Variants in FRMD4A observed in about 807,000 individuals in gnomAD.
FRMD4A encodes the protein FERM domain-containing protein 4A.
Under a neutral mutation model 129.1 loss-of-function variants are expected in FRMD4A, and 29 were observed. That is an observed-to-expected ratio of 0.22 (90% confidence interval 0.17 to 0.31). The LOEUF (loss-of-function observed/expected upper bound fraction) is 0.31. Ranked by LOEUF, FRMD4A falls within the 10% of genes least tolerant of loss-of-function variation. The pLI, the probability that FRMD4A is intolerant of heterozygous loss-of-function variation, is 1.00. For missense variants in FRMD4A, 1,272 were observed against 1,375.8 expected, an observed-to-expected ratio of 0.92 and a Z score of 1.19; for synonymous variants, 634 against 571.6, an observed-to-expected ratio of 1.11 and a Z score of -1.56.
At chr10:13,767,943 G>C (rs1053021172) in intron 6 of FRMD4A, among the ~76,000 whole-genome samples, 4 of 152,334 alleles carry the variant, frequency 2.6e-5, no homozygotes, top group African/African-American at 9.6e-5. Context: ...GCAGGAGGAA[G>C]TGTAAGGTCC....
At chr10:13,713,018 C>G (rs1481747845) in intron 12 of FRMD4A, among the ~76,000 whole-genome samples, 1 of 152,234 alleles carries the variant, frequency 6.6e-6, no homozygotes, top group Admixed American at 6.5e-5. Context: ...GGTGGGCAAG[C>G]TCCCAGGACG....
intron 2 of FRMD4A, among the ~76,000 whole-genome samples, chr10:14,163,617 C>T (rs183283435): frequency 8.5e-5 from 13 of 152,312 alleles, no homozygotes; most frequent in African/African-American, 2.9e-4. Context: ...TCGTTACGAG[C>T]ACTTAATAAA....
chr10:13,896,464 A>C (rs2094759456), intron 2 of FRMD4A, among the ~76,000 whole-genome samples: 1 of 152,178 alleles, frequency 6.6e-6, no homozygotes, highest in South Asian at 2.1e-4. Flanking sequence ...GTGGGAGTTT[A>C]ATAATGAGAA....
intron 2 of FRMD4A, among the ~76,000 whole-genome samples, chr10:14,060,217 TAAG>T (rs1834742427): frequency 6.6e-6 from 1 of 152,204 alleles, no homozygotes; most frequent in Non-Finnish European, 1.5e-5. Flanking sequence ...CTACATTTCA[TAAG>T]AAGGATAAAG....
intron 2 of FRMD4A, among the ~76,000 whole-genome samples, chr10:13,934,991 GAAGGGT>G (rs2095236667): frequency 6.6e-6 from 1 of 152,162 alleles, no homozygotes; most frequent in Non-Finnish European, 1.5e-5. Context: ...TTACATGCCA[GAAGGGT>G]AAGGCGGCTC....
chr10:13,726,350 G>A (rs1290363584), intron 12 of FRMD4A, among the ~76,000 whole-genome samples: 1 of 152,254 alleles, frequency 6.6e-6, no homozygotes, highest in Non-Finnish European at 1.5e-5. Flanking sequence ...TGGAGGTCAT[G>A]AAGGTCGTGA....
intron 2 of FRMD4A, among the ~76,000 whole-genome samples, chr10:14,262,362 A>G (rs538440371): frequency 6.6e-6 from 1 of 152,292 alleles, no homozygotes; most frequent in African/African-American, 2.4e-5. Flanking sequence ...TGCCAACTTC[A>G]TGAGGTTATT....
At chr10:14,235,440 G>C (rs1357384997) in intron 2 of FRMD4A, among the ~76,000 whole-genome samples, 1 of 152,050 alleles carries the variant, frequency 6.6e-6, no homozygotes, top group Non-Finnish European at 1.5e-5. Flanking sequence ...GAGCCACCGC[G>C]CCCGGCCGCC....
intron 2 of FRMD4A, among the ~76,000 whole-genome samples, chr10:14,128,560 C>T (rs11258879): frequency 0.31 from 46,784 of 151,938 alleles, 7,494 homozygotes; most frequent in East Asian, 0.51. Context: ...TTTCCTGTGA[C>T]GATACAATAA....
intron 2 of FRMD4A, among the ~76,000 whole-genome samples, chr10:14,117,017 A>G (rs1838232509): frequency 6.6e-6 from 1 of 152,228 alleles, no homozygotes; most frequent in African/African-American, 2.4e-5. Context: ...AGGGCTATGC[A>G]TTGAAATGCA....
chr10:14,064,611 T>G (rs796772784), intron 2 of FRMD4A, among the ~76,000 whole-genome samples: 16 of 152,316 alleles, frequency 1.1e-4, no homozygotes, highest in African/African-American at 3.8e-4. Context: ...AGAGTCTTGC[T>G]CCATCGTCTA....
At chr10:14,250,053 G>A (rs1314776728) in intron 2 of FRMD4A, among the ~76,000 whole-genome samples, 2 of 151,454 alleles carry the variant, frequency 1.3e-5, no homozygotes, top group African/African-American at 2.4e-5. Context: ...TCCACCTCCC[G>A]GGTTCAAGTG....
At chr10:14,174,877 G>A (rs1841653749) in intron 2 of FRMD4A, among the ~76,000 whole-genome samples, 1 of 33,358 alleles carries the variant, frequency 3.0e-5, no homozygotes, top group South Asian at 1.7e-3. Flanking sequence ...GTGTGTGTGT[G>A]TCTGTGTGTG....
chr10:13,992,399 TGCAG>T (rs1026675548), intron 2 of FRMD4A, among the ~76,000 whole-genome samples: 3 of 152,170 alleles, frequency 2.0e-5, no homozygotes, highest in African/African-American at 7.2e-5. Flanking sequence ...TGGGTTGGCT[TGCAG>T]GCTCACTGAC....
At chr10:14,210,580 T>G (rs1445132415) in intron 2 of FRMD4A, among the ~76,000 whole-genome samples, 1 of 152,146 alleles carries the variant, frequency 6.6e-6, no homozygotes, top group Non-Finnish European at 1.5e-5. Flanking sequence ...ACTGAGCACC[T>G]AATATGTGCC....
At position 14,178,967 on chromosome 10, in the gene FRMD4A, T is replaced by TTGA. The variant is rs1841822503; in HGVS notation, c.45+151090_45+151091insTCA. Among the ~76,000 whole-genome samples the TTGA allele has an allele frequency of 5.3e-5, 8 of 152,268 alleles. No homozygotes were observed. The South Asian group carries it at 1.7e-3, about 32-fold the overall frequency. Reference sequence around the variant, plus strand: ...AGGAACCTCTCTTAGCAAATGCCCTTGCCCTTTGAGCCACCCTTCTTTCAT... The same window carrying TTGA: ...AGGAACCTCTCTTAGCAAATGCCCTTTGAGCCCTTTGAGCCACCCTTCTTTCAT... On this transcript the variant is annotated intron_variant, in intron 2 of 24. Transcript: ENST00000357447.
intron 2 of FRMD4A, among the ~76,000 whole-genome samples, chr10:13,998,028 C>A (rs2095629045): frequency 6.6e-6 from 1 of 152,158 alleles, no homozygotes. Flanking sequence ...ATCCATCATG[C>A]CCTTCTGGGA....
intron 2 of FRMD4A, among the ~76,000 whole-genome samples, chr10:14,259,322 G>T (rs2132031181): frequency 6.6e-6 from 1 of 152,176 alleles, no homozygotes; most frequent in East Asian, 1.9e-4. Context: ...AGTTAAAAGT[G>T]TAAACACACC....
At chr10:13,697,367 C>G (rs2086326375) in intron 14 of FRMD4A, among the ~76,000 whole-genome samples, 1 of 152,138 alleles carries the variant, frequency 6.6e-6, no homozygotes, top group Non-Finnish European at 1.5e-5. Flanking sequence ...AGGCTGGTGT[C>G]AAACCCCTGA....
Sources: gnomAD v4.1 joint callset for allele counts (sites outside exome capture counted in the v4.1 genomes callset) on GRCh38, gnomAD v4.1.1 for gene constraint, MANE v1.5 for transcripts, NCBI Gene and HGNC (gene_info 2026-07-23, HGNC 2026-07-21) for gene names.